The following NRG1 variants were observed in gnomAD, a reference collection of about 807,000 sequenced individuals.
NRG1 encodes pro-neuregulin-1, membrane-bound isoform.
NRG1 carries 18 observed loss-of-function variants against 63.8 expected under a neutral mutation model. The ratio of observed to expected loss-of-function variants is 0.28; its 90% CI spans 0.19 to 0.42. The LOEUF (loss-of-function observed/expected upper bound fraction) is 0.42. Among genes scored for constraint, NRG1 ranks in the 10% least tolerant of loss-of-function variants. The probability of loss-of-function intolerance (pLI) is 1.00; values close to 1 mark genes in which losing one functional copy is unlikely to be tolerated. For synonymous variants in NRG1, 302 were observed against 301.3 expected (o/e 1.00, Z -0.02); for missense variants, 762 against 814.7 (o/e 0.94, Z 0.79).
At chr8:31,795,721 A>G (rs1166599251) in intron 1 of NRG1, among the ~76,000 whole-genome samples, 1 of 152,182 alleles carries the variant, frequency 6.6e-6, no homozygotes. Flanking sequence ...TATTCAACAA[A>G]TATGTAGGTA....
At chr8:31,672,512 T>G (rs4560751) in intron 1 of NRG1, among the ~76,000 whole-genome samples, 118,986 of 152,020 alleles carry the variant, frequency 0.78, 47,594 homozygotes, top group East Asian at 0.99. Context: ...CAAGAGCTGT[T>G]CCTGCTAGCT....
intron 1 of NRG1, among the ~76,000 whole-genome samples, chr8:32,203,656 C>T (rs1586063018): frequency 6.6e-6 from 1 of 152,132 alleles, no homozygotes; most frequent in East Asian, 1.9e-4. Context: ...GCCACCACAC[C>T]CAGCCTCATT....
At chr8:32,158,188 C>T (rs1453047888) in intron 1 of NRG1, among the ~76,000 whole-genome samples, 1 of 151,738 alleles carries the variant, frequency 6.6e-6, no homozygotes, top group African/African-American at 2.4e-5. Flanking sequence ...CTGGTGGATG[C>T]CCCCTTCTCA....
intron 5 of NRG1, among the ~76,000 whole-genome samples, chr8:32,692,902 C>G (rs2128940312): frequency 6.6e-6 from 1 of 152,274 alleles, no homozygotes; most frequent in South Asian, 2.1e-4. Flanking sequence ...GTCCTGCCAC[C>G]TGACATGTGC....
chr8:32,530,177 G>A (rs1231926695), intron 1 of NRG1, among the ~76,000 whole-genome samples: 2 of 151,394 alleles, frequency 1.3e-5, no homozygotes, highest in Non-Finnish European at 2.9e-5. Flanking sequence ...GTGCTATCTC[G>A]GCTCACTGCA....
At chr8:32,691,395 C>G (rs987212713) in intron 5 of NRG1, among the ~76,000 whole-genome samples, 6 of 152,148 alleles carry the variant, frequency 3.9e-5, no homozygotes, top group Non-Finnish European at 7.4e-5. Flanking sequence ...GATGCCAATT[C>G]TCTTCCTGAC....
chr8:32,476,322 T>C (rs1824512195), intron 1 of NRG1, among the ~76,000 whole-genome samples: 1 of 148,360 alleles, frequency 6.7e-6, no homozygotes, highest in Non-Finnish European at 1.5e-5. Context: ...CTTCAGGGGC[T>C]ATCCCTCGTG....
intron 1 of NRG1, among the ~76,000 whole-genome samples, chr8:32,257,642 T>C (rs73248765): frequency 0.045 from 6,788 of 152,246 alleles, 206 homozygotes; most frequent in Non-Finnish European, 0.068. Context: ...TCATGAAATC[T>C]GAAAGGCTAG....
At chr8:32,067,318 C>A (rs974667666) in intron 1 of NRG1, among the ~76,000 whole-genome samples, 30 of 151,934 alleles carry the variant, frequency 2.0e-4, no homozygotes, top group African/African-American at 6.8e-4. Context: ...TGATATTGGC[C>A]GTGGATTTGT....
At chr8:32,741,874 C>A in intron 6 of NRG1, 134 bp from the exon 7 acceptor site, 1 of 612,156 alleles carries the variant, frequency 1.6e-6, no homozygotes. Context: ...AATGTTGTGT[C>A]TTTTCTTTTC....
At chr8:31,707,412 C>A (rs1287029195) in intron 1 of NRG1, among the ~76,000 whole-genome samples, 3 of 152,072 alleles carry the variant, frequency 2.0e-5, no homozygotes, top group Non-Finnish European at 2.9e-5. Context: ...TCTAGAATTT[C>A]TAAACTACCT....
chr8:32,347,869 C>G (rs1805117026), intron 1 of NRG1, among the ~76,000 whole-genome samples: 1 of 152,160 alleles, frequency 6.6e-6, no homozygotes, highest in African/African-American at 2.4e-5. Context: ...GTCACTTTCT[C>G]TAAGAGAACA....
At chr8:32,366,106 T>G (rs1807939813) in intron 1 of NRG1, among the ~76,000 whole-genome samples, 1 of 152,220 alleles carries the variant, frequency 6.6e-6, no homozygotes. Flanking sequence ...TAGATTAGAA[T>G]GTCAGAATAC....
intron 1 of NRG1, among the ~76,000 whole-genome samples, chr8:32,384,136 CT>C (rs1210221558): frequency 2.6e-5 from 4 of 152,070 alleles, no homozygotes; most frequent in African/African-American, 9.7e-5. Context: ...ACTTGGGAAG[CT>C]GAGCTGGGAA....
intron 1 of NRG1, among the ~76,000 whole-genome samples, chr8:32,332,113 C>T (rs1802727471): frequency 6.6e-6 from 1 of 151,716 alleles, no homozygotes; most frequent in Non-Finnish European, 1.5e-5. Context: ...TAGCAAGACC[C>T]CATCTCTGTT....
intron 5 of NRG1, among the ~76,000 whole-genome samples, chr8:32,726,716 G>C (rs112290782): frequency 6.6e-6 from 1 of 152,080 alleles, no homozygotes. Context: ...GTAGACTTTC[G>C]AAGGAAATGA....
exon 12 of NRG1, chr8:32,764,710 T>G (rs1000234483): frequency 3.2e-4 from 67 of 207,120 alleles, no homozygotes; most frequent in African/African-American, 1.3e-3. Flanking sequence ...TAGATTCAGT[T>G]TTTGCTGGCT....
rs1460397435 is a variant in NRG1 at position 32,084,473 on chromosome 8, A to ATG, written c.37+445043_37+445044insGT. ...TAATATGTAAATTATAGCTTGTGCC[A>ATG]TCTATACACAACCAGGATTGTATGC... On this transcript the variant is annotated intron_variant, in intron 1 of 10. Coordinates refer to the NRG1 transcript ENST00000519301. 2.0e-5 allele frequency among the ~76,000 whole-genome samples: 3 copies of ATG among 152,304 alleles called. No individual in the cohort carries two copies. The East Asian group carries it at 5.8e-4, about 29-fold the overall frequency.
chr8:31,853,597 C>A (rs1378225457), intron 1 of NRG1, among the ~76,000 whole-genome samples: 3 of 150,840 alleles, frequency 2.0e-5, no homozygotes, highest in Non-Finnish European at 3.0e-5. Flanking sequence ...ATTGAATACC[C>A]TTTATTTCCT....
Sources: gnomAD v4.1 joint callset for allele counts (sites outside exome capture counted in the v4.1 genomes callset) on GRCh38, gnomAD v4.1.1 for gene constraint, MANE v1.5 for transcripts, NCBI Gene and HGNC (gene_info 2026-07-23, HGNC 2026-07-21) for gene names.